Variants in XYLT1 observed in about 807,000 individuals in gnomAD.
XYLT1 encodes beta-D-xylosyltransferase 1.
Under a neutral mutation model 91.3 loss-of-function variants are expected in XYLT1, and 36 were observed. The ratio of observed to expected loss-of-function variants is 0.39; its 90% CI spans 0.30 to 0.52. XYLT1 has a LOEUF of 0.52. Among genes scored for constraint, XYLT1 ranks in the 20% least tolerant of loss-of-function variants. XYLT1 has a pLI of 0.68. For missense variants in XYLT1, 1,242 were observed against 1,284.5 expected, an observed-to-expected ratio of 0.97 and a Z score of 0.51; for synonymous variants, 588 against 532.0, an observed-to-expected ratio of 1.11 and a Z score of -1.45.
chr16:17,342,439 C>T (rs770505025), intron 2 of XYLT1, among the ~76,000 whole-genome samples: 2 of 152,154 alleles, frequency 1.3e-5, no homozygotes, highest in Admixed American at 1.3e-4. Flanking sequence ...ATGCATTTCT[C>T]GGTTGGGCGT....
intron 2 of XYLT1, among the ~76,000 whole-genome samples, chr16:17,314,257 G>A (rs1945744243): frequency 6.6e-6 from 1 of 152,160 alleles, no homozygotes; most frequent in South Asian, 2.1e-4. Context: ...TGGCTCCCCA[G>A]CAGGGAACCT....
chr16:17,194,601 C>T (rs1405917423), intron 5 of XYLT1, among the ~76,000 whole-genome samples: 1 of 152,230 alleles, frequency 6.6e-6, no homozygotes, highest in Non-Finnish European at 1.5e-5. Flanking sequence ...CCAGCCACTA[C>T]TCCACCCCGC....
intron 2 of XYLT1, among the ~76,000 whole-genome samples, chr16:17,342,486 C>T (rs2035075975): frequency 6.6e-6 from 1 of 152,140 alleles, no homozygotes; most frequent in Non-Finnish European, 1.5e-5. Context: ...CTTTGGGAGG[C>T]CGAGACAGGC....
At chr16:17,389,133 T>C (rs1302593234) in intron 1 of XYLT1, among the ~76,000 whole-genome samples, 2 of 152,254 alleles carry the variant, frequency 1.3e-5, no homozygotes, top group Non-Finnish European at 2.9e-5. Context: ...ACCTTTGTTC[T>C]TTTGCAGGAG....
At chr16:17,258,683 A>G (rs776060513) in intron 3 of XYLT1, among the ~76,000 whole-genome samples, 2 of 152,338 alleles carry the variant, frequency 1.3e-5, no homozygotes, top group Non-Finnish European at 1.5e-5. Flanking sequence ...AACCATATCA[A>G]TACAGCTCCC....
At chr16:17,435,663 C>T (rs777871698) in intron 1 of XYLT1, among the ~76,000 whole-genome samples, 10 of 152,072 alleles carry the variant, frequency 6.6e-5, no homozygotes, top group Non-Finnish European at 1.3e-4. Flanking sequence ...CCGACATCTA[C>T]AAAGTTCCTA....
intron 1 of XYLT1, among the ~76,000 whole-genome samples, chr16:17,382,937 G>A (rs542986790): frequency 6.6e-6 from 1 of 151,976 alleles, no homozygotes; most frequent in South Asian, 2.1e-4. Context: ...GCAAAGCTGG[G>A]ATTTGAACCC....
intron 1 of XYLT1, among the ~76,000 whole-genome samples, chr16:17,372,604 T>C (rs2035550328): frequency 6.6e-6 from 1 of 152,238 alleles, no homozygotes; most frequent in Admixed American, 6.5e-5. Context: ...GGCCCATTTT[T>C]AAGAGAAAGT....
Position 17,117,888 on chromosome 16 carries a change from C to CACTT in XYLT1, c.2311_2314dup (p.Trp772Ter). 6.2e-7 allele frequency: 1 copy of CACTT among 1,614,118 alleles called. No homozygotes were observed. Among genetic ancestry groups the CACTT allele is most frequent in the Non-Finnish European group, 8.5e-7 (1 of 1,180,020 alleles). On this transcript the variant is annotated stop_gained and frameshift_variant, in exon 11 of 12. Coordinates refer to ENST00000261381, the MANE Select transcript of XYLT1 (RefSeq NM_022166.4). LOFTEE classifies it high-confidence loss of function. ...CACGGTCACATTAGGTCCCTTCCCCCACTTCTGCATACCCACCGGCTCATC... is the reference window on the plus strand; with the variant it reads ...CACGGTCACATTAGGTCCCTTCCCCCACTTACTTCTGCATACCCACCGGCTCATC...
intron 5 of XYLT1, among the ~76,000 whole-genome samples, chr16:17,161,677 G>GCTCTCT (rs10676460): frequency 0.068 from 10,163 of 148,902 alleles, 387 homozygotes; most frequent in Middle Eastern, 0.11. Context: ...TTTCTCGCGC[G>GCTCTCT]CTCTCTCTCT....
At chr16:17,198,837 C>A (rs1010471821) in intron 4 of XYLT1, among the ~76,000 whole-genome samples, 2 of 152,150 alleles carry the variant, frequency 1.3e-5, no homozygotes, top group Non-Finnish European at 2.9e-5. Context: ...CTCCACCACC[C>A]AAGTTCAAGC....
In XYLT1 at chr16:17,423,246, G is replaced by A. The variant is rs779154689; in HGVS notation, c.363+47188C>T. ...ACTGCCCAGTGGGGCCGCCCTTCTC[G>A]GCAGGCCTCCCCAGCAGCGCCTGAT... On this transcript the variant is annotated intron_variant, in intron 1 of 11. Coordinates refer to ENST00000261381, the MANE Select transcript of XYLT1 (RefSeq NM_022166.4). Among the ~76,000 whole-genome samples the A allele has an allele frequency of 5.9e-5, 9 of 152,070 alleles. No individual in the cohort carries two copies. The South Asian group carries it at 8.3e-4, about 14-fold the overall frequency.
At chr16:17,174,657 G>C (rs1202882764) in intron 5 of XYLT1, among the ~76,000 whole-genome samples, 1 of 152,136 alleles carries the variant, frequency 6.6e-6, no homozygotes, top group African/African-American at 2.4e-5. Flanking sequence ...ATGGGTACAG[G>C]TTTTCCTTCT....
chr16:17,360,327 T>C (rs2035364180), intron 1 of XYLT1, among the ~76,000 whole-genome samples: 1 of 152,164 alleles, frequency 6.6e-6, no homozygotes, highest in African/African-American at 2.4e-5. Context: ...AAGACTTTCC[T>C]TGGGAAGTCA....
chr16:17,116,063 G>A (rs1224720100), intron 11 of XYLT1, among the ~76,000 whole-genome samples: 1 of 151,530 alleles, frequency 6.6e-6, no homozygotes, highest in Non-Finnish European at 1.5e-5. Context: ...TGTGATTTAT[G>A]GTGTGTATTA....
At chr16:17,328,645 AT>A (rs1380997519) in intron 2 of XYLT1, among the ~76,000 whole-genome samples, 4 of 149,870 alleles carry the variant, frequency 2.7e-5, no homozygotes, top group African/African-American at 9.7e-5. Flanking sequence ...AAAGAGGCAG[AT>A]TTTTATTTTT....
intron 1 of XYLT1, among the ~76,000 whole-genome samples, chr16:17,376,743 C>T (rs1188299488): frequency 7.0e-6 from 1 of 143,840 alleles, no homozygotes; most frequent in Non-Finnish European, 1.5e-5. Flanking sequence ...AGGAGAATCG[C>T]TTGAATCCGG....
intron 2 of XYLT1, among the ~76,000 whole-genome samples, chr16:17,282,638 G>C (rs1390522152): frequency 6.6e-6 from 1 of 152,206 alleles, no homozygotes; most frequent in Non-Finnish European, 1.5e-5. Context: ...TTTCTTTAAG[G>C]AGAGAAGGAG....
intron 1 of XYLT1, among the ~76,000 whole-genome samples, chr16:17,394,419 C>A (rs137914030): frequency 1.9e-3 from 287 of 152,302 alleles, no homozygotes; most frequent in Non-Finnish European, 3.0e-3. Flanking sequence ...TCCAACCCTG[C>A]CAGCTTTTTC....
Sources: allele counts gnomAD v4.1 joint callset (sites outside exome capture counted in the v4.1 genomes callset), GRCh38; gene constraint gnomAD v4.1.1; transcripts MANE v1.5; gene names NCBI Gene and HGNC (gene_info 2026-07-23, HGNC 2026-07-21).